Variants in FRMD4B observed in about 807,000 individuals in gnomAD.
FRMD4B encodes FERM domain-containing protein 4B.
A neutral mutation model predicts 141.5 loss-of-function variants in FRMD4B; 74 were observed. The ratio of observed to expected loss-of-function variants is 0.52; its 90% CI spans 0.43 to 0.63. FRMD4B has a LOEUF of 0.63. Ranked by LOEUF, FRMD4B falls within the 30% of genes least tolerant of loss-of-function variation. The probability of loss-of-function intolerance (pLI) is 0.00; values close to 1 mark genes in which losing one functional copy is unlikely to be tolerated. For missense variants in FRMD4B, 1,366 were observed against 1,253.4 expected, an observed-to-expected ratio of 1.09 and a Z score of -1.36; for synonymous variants, 506 against 467.9, an observed-to-expected ratio of 1.08 and a Z score of -1.05.
At chr3:69,476,761 G>T (rs1480100451) in intron 1 of FRMD4B, among the ~76,000 whole-genome samples, 1 of 152,158 alleles carries the variant, frequency 6.6e-6, no homozygotes, top group Non-Finnish European at 1.5e-5. Context: ...GTAGCTTGAT[G>T]GGGATGGCTT....
At chr3:69,446,131 G>A (rs758617268) in intron 1 of FRMD4B, among the ~76,000 whole-genome samples, 2 of 152,034 alleles carry the variant, frequency 1.3e-5, no homozygotes, top group African/African-American at 2.4e-5. Flanking sequence ...AGGATCAAGT[G>A]ATTCTCCTGC....
upstream of FRMD4B, among the ~76,000 whole-genome samples, chr3:69,388,916 G>C (rs558897683): frequency 6.2e-4 from 94 of 152,072 alleles, no homozygotes; most frequent in Non-Finnish European, 1.2e-3. Context: ...GGCGAAGTCT[G>C]GGCTTTGAGT....
intron 1 of FRMD4B, among the ~76,000 whole-genome samples, chr3:69,466,235 G>A (rs2106932470): frequency 6.6e-6 from 1 of 152,226 alleles, no homozygotes; most frequent in South Asian, 2.1e-4. Flanking sequence ...TTTTGATGGG[G>A]TTGTTTGTTT....
intron 1 of FRMD4B, among the ~76,000 whole-genome samples, chr3:69,328,724 T>C (rs915997232): frequency 8.5e-5 from 13 of 152,216 alleles, no homozygotes; most frequent in African/African-American, 3.1e-4. Context: ...AATTGCATGC[T>C]TTAAGACACT....
rs35703345 is a variant in FRMD4B at position 69,291,910 on chromosome 3, C to CTTTTTTTTTTT, written c.417-4085_417-4075dup. 4.7e-5 allele frequency among the ~76,000 whole-genome samples: 5 copies of CTTTTTTTTTTT among 105,538 alleles called. 1 individual carries two copies. The highest frequency in any genetic ancestry group is 1.1e-4 in the Admixed American group (1 of 9,380). The allele number at this position is 105,538 out of a possible 152,430, so 69.2% of individuals were successfully genotyped here. A position where few individuals can be genotyped will look rare whatever the true frequency, so the allele number is the denominator to read the frequency against. On this transcript the variant is annotated intron_variant, in intron 4 of 22. Coordinates refer to ENST00000398540, the MANE Select transcript of FRMD4B (RefSeq NM_015123.3). ...AATACAAAGTGCTCTACAGGAATCT[C>CTTTTTTTTTTT]TTTTTTTTTTTTTTTTTTTTTTTCC... is the stretch of plus-strand genomic sequence containing the variant.
At chr3:69,294,818 A>C (rs1700986522) in intron 4 of FRMD4B, among the ~76,000 whole-genome samples, 1 of 152,160 alleles carries the variant, frequency 6.6e-6, no homozygotes, top group African/African-American at 2.4e-5. Flanking sequence ...ACAGGAAAGC[A>C]GGGACAGATG....
chr3:69,232,402 C>A (rs2093314093), intron 7 of FRMD4B, among the ~76,000 whole-genome samples: 1 of 152,130 alleles, frequency 6.6e-6, no homozygotes, highest in South Asian at 2.1e-4. Context: ...TGAACTCCTC[C>A]CTTAGGCATT....
Position 69,171,777 on chromosome 3 carries a change from G to C in FRMD4B, c.*84C>G, listed in dbSNP as rs987206179. The C allele has an allele frequency of 7.2e-7, 1 of 1,396,592 alleles. No individual in the cohort carries two copies. The highest frequency in any genetic ancestry group is 1.0e-6 in the Non-Finnish European group (1 of 1,001,604). The allele number at this position is 1,396,592 out of a possible 1,614,324, so 86.5% of individuals were successfully genotyped here. On this transcript the variant is annotated 3_prime_UTR_variant, in exon 23 of 23. Coordinates refer to ENST00000398540, the MANE Select transcript of FRMD4B (RefSeq NM_015123.3). ...TTTGATGTCTTTAGGTTTCTAAAAC[G>C]AACATCCTCTCGGAAGACAAATACA...
intron 1 of FRMD4B, among the ~76,000 whole-genome samples, chr3:69,334,723 C>A (rs1009457189): frequency 7.2e-5 from 11 of 152,132 alleles, no homozygotes; most frequent in African/African-American, 2.7e-4. Flanking sequence ...AATCTTAGCT[C>A]CACTGCTTTA....
At chr3:69,265,132 G>A (rs1334608044) in intron 5 of FRMD4B, among the ~76,000 whole-genome samples, 1 of 149,306 alleles carries the variant, frequency 6.7e-6, no homozygotes, top group Non-Finnish European at 1.5e-5. Flanking sequence ...GTGGGCGCCT[G>A]TAGTCCCAGC....
At chr3:69,440,939 A>G (rs967288835) in intron 1 of FRMD4B, among the ~76,000 whole-genome samples, 3 of 152,220 alleles carry the variant, frequency 2.0e-5, no homozygotes, top group African/African-American at 7.2e-5. Flanking sequence ...CGTATATGGT[A>G]TATCTTGTCA....
chr3:69,313,632 T>C (rs1173232874), intron 1 of FRMD4B, 115 bp from the exon 2 acceptor site: 5 of 659,226 alleles, frequency 7.6e-6, no homozygotes, highest in Non-Finnish European at 1.3e-5. Flanking sequence ...ATGGCTTTAG[T>C]TGAGTTAATA....
At chr3:69,426,324 G>A (rs948715582) in intron 2 of FRMD4B, among the ~76,000 whole-genome samples, 3 of 148,914 alleles carry the variant, frequency 2.0e-5, no homozygotes, top group Non-Finnish European at 3.0e-5. Context: ...TTAAAAGCGT[G>A]TGTGTGTGTG....
chr3:69,444,063 A>G (rs1705376227), intron 1 of FRMD4B, among the ~76,000 whole-genome samples: 1 of 152,152 alleles, frequency 6.6e-6, no homozygotes, highest in South Asian at 2.1e-4. Context: ...CCAGAGGCTG[A>G]CAGCACACGA....
At chr3:69,225,399 G>T (rs2093240691) in intron 7 of FRMD4B, among the ~76,000 whole-genome samples, 1 of 151,846 alleles carries the variant, frequency 6.6e-6, no homozygotes, top group Admixed American at 6.6e-5. Context: ...GAACAGGCCG[G>T]ACACAGTGGC....
At chr3:69,228,131 TC>T (rs1424495222) in intron 7 of FRMD4B, among the ~76,000 whole-genome samples, 1 of 152,236 alleles carries the variant, frequency 6.6e-6, no homozygotes, top group Non-Finnish European at 1.5e-5. Context: ...GTTACTGGCT[TC>T]TACTGGGTAG....
At chr3:69,534,997 T>C (rs1575603605) in intron 1 of FRMD4B, among the ~76,000 whole-genome samples, 1 of 152,260 alleles carries the variant, frequency 6.6e-6, no homozygotes, top group Non-Finnish European at 1.5e-5. Context: ...GAATTTTTTT[T>C]AGTATTTACT....
intron 1 of FRMD4B, 146 bp downstream of exon 1, chr3:69,385,679 AGAG>A (rs1200277594): frequency 1.6e-6 from 1 of 607,332 alleles, no homozygotes; most frequent in African/African-American, 1.9e-5. Flanking sequence ...ATAATTACCT[AGAG>A]CTGCTGAGCG....
At chr3:69,359,679 G>T (rs779271203) in intron 1 of FRMD4B, among the ~76,000 whole-genome samples, 1 of 152,194 alleles carries the variant, frequency 6.6e-6, no homozygotes, top group Non-Finnish European at 1.5e-5. Flanking sequence ...GAGATGAAAA[G>T]AGGTAGGGAG....
Sources: allele counts gnomAD v4.1 joint callset (sites outside exome capture counted in the v4.1 genomes callset), GRCh38; gene constraint gnomAD v4.1.1; transcripts MANE v1.5; gene names NCBI Gene and HGNC (gene_info 2026-07-23, HGNC 2026-07-21).